Variants in PDLIM1 observed in about 807,000 individuals in gnomAD.
PDLIM1 encodes the protein PDZ and LIM domain protein 1.
In PDLIM1, 25 loss-of-function variants were observed where a neutral mutation model predicts 35.2. That is an observed-to-expected ratio of 0.71 (90% confidence interval 0.52 to 0.99). The LOEUF (loss-of-function observed/expected upper bound fraction) is 0.99, where lower values mean the gene tolerates loss of function less well. PDLIM1 is among the 50% of genes least tolerant of loss of function. The probability of loss-of-function intolerance (pLI) is 0.00; values close to 1 mark genes in which losing one functional copy is unlikely to be tolerated. For synonymous variants in PDLIM1, 152 were observed against 154.0 expected (o/e 0.99, Z 0.10); for missense variants, 363 against 415.3 (o/e 0.87, Z 1.09).
chr10:95,282,851 G>A (rs2035572365), intron 1 of PDLIM1, among the ~76,000 whole-genome samples: 1 of 152,176 alleles, frequency 6.6e-6, no homozygotes, highest in South Asian at 2.1e-4. Context: ...GGCTGAGGTG[G>A]GAGGATCACT....
At chr10:95,274,131 C>T (rs1430455889) in intron 1 of PDLIM1, among the ~76,000 whole-genome samples, 4 of 152,144 alleles carry the variant, frequency 2.6e-5, no homozygotes, top group Non-Finnish European at 5.9e-5. Context: ...CCACATCATG[C>T]CTCTTCCCCA....
rs768353071 is a variant in PDLIM1, at chr10:95,247,230, C to G, written c.670G>C (p.Glu224Gln). Residue 224 changes from glutamate to glutamine, a missense_variant, in exon 5 of 7, where the codon GAG (glutamate) becomes CAG (glutamine). By Grantham distance (29) the Glu-to-Gln change is conservative. Transcript: ENST00000329399. ...AGCTGATTACCTTTTTCTTCAGACT[C>G]CAGGATTTCCTGCAAAACCAAGAAA... Reference protein sequence around the residue: ...TSFLVLQEILESEEKGDPNKP... With the variant: ...TSFLVLQEILQSEEKGDPNKP... The G allele has an allele frequency of 6.2e-7, 1 of 1,613,468 alleles. No individual in the cohort carries two copies. The highest frequency in any genetic ancestry group is 1.1e-5 in the South Asian group (1 of 90,856).
chr10:95,261,846 T>C (rs931642493), intron 4 of PDLIM1, among the ~76,000 whole-genome samples: 1 of 151,930 alleles, frequency 6.6e-6, no homozygotes, highest in Non-Finnish European at 1.5e-5. Flanking sequence ...CCATCTATAC[T>C]AAAAACACAA....
intron 5 of PDLIM1, among the ~76,000 whole-genome samples, chr10:95,241,204 G>A (rs908292136): frequency 2.0e-5 from 3 of 152,092 alleles, no homozygotes; most frequent in African/African-American, 4.8e-5. Flanking sequence ...CAATCCTTCC[G>A]AACCAAAAAT....
chr10:95,250,496 ACGT>A lies in PDLIM1; in HGVS notation c.534-3133_534-3131del, dbSNP rs575382390. On this transcript the variant is annotated intron_variant, in intron 4 of 6. Coordinates refer to ENST00000329399, the MANE Select transcript of PDLIM1 (RefSeq NM_020992.4). ...CTCAAAAATAACATCCTAAGATCCA[ACGT>A]CTAAGTCTTAGACACTAGATTACAA... Among the ~76,000 whole-genome samples, 193 of 152,360 alleles carry A rather than the reference ACGT, an allele frequency of 1.3e-3. 2 individuals carry two copies. The highest frequency in any genetic ancestry group is 6.3e-3 in the Admixed American group (96 of 15,310).
chr10:95,238,478 A>G, intron 6 of PDLIM1, 90 bp downstream of exon 6: 2 of 864,560 alleles, frequency 2.3e-6, no homozygotes, highest in Non-Finnish European at 3.9e-6. Flanking sequence ...CTCCCTCACA[A>G]GCAAAATGTG....
Position 95,257,010 on chromosome 10 carries a change from G to GA in PDLIM1, c.533+6853dup, listed in dbSNP as rs368985790. On this transcript the variant is annotated intron_variant, in intron 4 of 6. Transcript: ENST00000329399. ...AAAAAGAAAGAAAGAAAGAAAGAAA[G>GA]AAAGAAAGAAAGAAAGAAAGAAAGA... Among the ~76,000 whole-genome samples, 388 of 106,672 alleles carry GA rather than the reference G, an allele frequency of 3.6e-3. 6 individuals carry two copies. The highest frequency in any genetic ancestry group is 0.011 in the African/African-American group (359 of 33,426). 70.0% of individuals were successfully genotyped at this position (106,672 alleles called of 152,430 possible). A position where few individuals can be genotyped will look rare whatever the true frequency, so the allele number is the denominator to read the frequency against.
intron 6 of PDLIM1, among the ~76,000 whole-genome samples, 182 bp from the exon 7 acceptor site, chr10:95,238,293 G>C (rs1035521059): frequency 6.6e-5 from 10 of 152,082 alleles, no homozygotes; most frequent in African/African-American, 2.2e-4. Context: ...TCCTTCCCAG[G>C]GTCCAGAGAC....
rs1262815074 is a variant in PDLIM1, at chr10:95,264,078, C to A, written c.334-15G>T. 1 of 1,611,628 alleles carries A rather than the reference C, an allele frequency of 6.2e-7. No individual in the cohort carries two copies. Among genetic ancestry groups the A allele is most frequent in the Non-Finnish European group, 8.5e-7 (1 of 1,178,632 alleles). ...TGCAGGACCTCCTGCAGGCAGGGAT[C>A]AGAGGAGAAATCAAGGGGGGCATCC... On this transcript the variant is annotated splice_polypyrimidine_tract_variant and intron_variant, in intron 3 of 6. Coordinates refer to ENST00000329399, the MANE Select transcript of PDLIM1 (RefSeq NM_020992.4).
Position 95,256,983 on chromosome 10 carries a change from A to AG in PDLIM1, c.533+6880_533+6881insC, listed in dbSNP as rs1564600657. 5.9e-3 allele frequency among the ~76,000 whole-genome samples: 809 copies of AG among 137,218 alleles called. 25 individuals are homozygous for AG. The highest frequency in any genetic ancestry group is 0.02 in the African/African-American group (748 of 38,138). The allele number at this position is 137,218 out of a possible 152,430, so 90.0% of individuals were successfully genotyped here. ...GAATGAGACTTCATCTTAAAAAAAA[A>AG]AAAAAAGAAAGAAAGAAAGAAAGAA... On this transcript the variant is annotated intron_variant, in intron 4 of 6. Coordinates refer to ENST00000329399, the MANE Select transcript of PDLIM1 (RefSeq NM_020992.4).
intron 4 of PDLIM1, among the ~76,000 whole-genome samples, chr10:95,254,621 C>A (rs1260754530): frequency 1.3e-5 from 2 of 152,066 alleles, no homozygotes; most frequent in Non-Finnish European, 2.9e-5. Flanking sequence ...CAGAAAAATT[C>A]AACAATACTA....
intron 1 of PDLIM1, among the ~76,000 whole-genome samples, chr10:95,284,826 C>T (rs1426496971): frequency 6.6e-6 from 1 of 152,160 alleles, no homozygotes; most frequent in Non-Finnish European, 1.5e-5. Flanking sequence ...GTATTTATGG[C>T]ATTTACCAAG....
intron 4 of PDLIM1, among the ~76,000 whole-genome samples, chr10:95,261,751 G>A (rs1314438335): frequency 3.3e-5 from 5 of 152,196 alleles, no homozygotes; most frequent in Non-Finnish European, 5.9e-5. Context: ...GCTCACGTCT[G>A]TAAGCCCAGC....
chr10:95,261,212 A>C (rs1263065639), intron 4 of PDLIM1, among the ~76,000 whole-genome samples: 2 of 152,238 alleles, frequency 1.3e-5, no homozygotes, highest in Non-Finnish European at 2.9e-5. Context: ...TAATGAAGGA[A>C]AAATAGCCAA....
chr10:95,253,080 G>C (rs924935873), intron 4 of PDLIM1, among the ~76,000 whole-genome samples: 3 of 152,108 alleles, frequency 2.0e-5, no homozygotes, highest in African/African-American at 7.2e-5. Context: ...ACATATCATA[G>C]TAAATTTCTG....
intron 5 of PDLIM1, among the ~76,000 whole-genome samples, chr10:95,242,512 C>T (rs933931367): frequency 1.9e-4 from 29 of 151,954 alleles, no homozygotes; most frequent in African/African-American, 6.5e-4. Context: ...CATGGTGAAA[C>T]CCCATCTCTA....
At chr10:95,262,580 C>A (rs893160277) in intron 4 of PDLIM1, among the ~76,000 whole-genome samples, 1 of 152,190 alleles carries the variant, frequency 6.6e-6, no homozygotes, top group African/African-American at 2.4e-5. Context: ...GGAATGCACG[C>A]TCCAGCTGCC....
At chr10:95,281,819 A>G (rs1487260603) in intron 1 of PDLIM1, among the ~76,000 whole-genome samples, 2 of 152,198 alleles carry the variant, frequency 1.3e-5, no homozygotes, top group African/African-American at 4.8e-5. Context: ...TCCAAACAAG[A>G]TATCTAAATA....
intron 5 of PDLIM1, among the ~76,000 whole-genome samples, chr10:95,240,050 T>G (rs2035164973): frequency 6.6e-6 from 1 of 152,146 alleles, no homozygotes; most frequent in South Asian, 2.1e-4. Context: ...GGATGTAAAT[T>G]AGTTCAAACA....
Sources: allele counts gnomAD v4.1 joint callset (sites outside exome capture counted in the v4.1 genomes callset), GRCh38; gene constraint gnomAD v4.1.1; transcripts MANE v1.5; gene names NCBI Gene and HGNC (gene_info 2026-07-23, HGNC 2026-07-21).